The following P2RX5 variants were observed in gnomAD, a reference collection of about 807,000 sequenced individuals.
P2RX5 encodes purinergic receptor P2X 5.
Under a neutral mutation model 54.1 loss-of-function variants are expected in P2RX5, and 46 were observed. That is an observed-to-expected ratio of 0.85 (90% CI 0.67 to 1.09). P2RX5 has a LOEUF of 1.09. Ranked by LOEUF, P2RX5 falls within the 50% of genes least tolerant of loss-of-function variation. P2RX5 has a pLI of 0.00. For synonymous variants in P2RX5, 226 were observed against 226.4 expected (o/e 1.00, Z 0.02); for missense variants, 566 against 549.8 (o/e 1.03, Z -0.29).
intron 6 of P2RX5, 59 bp from the exon 7 acceptor site, chr17:3,689,689 G>T: frequency 6.2e-7 from 1 of 1,609,820 alleles, no homozygotes; most frequent in South Asian, 1.1e-5. Context: ...TCCCGGCCTG[G>T]CCAGGAGTCA....
upstream of P2RX5, chr17:3,696,336 G>C (rs979248972): frequency 3.0e-4 from 57 of 192,852 alleles, no homozygotes; most frequent in African/African-American, 1.3e-3. Flanking sequence ...CCACCGGTCT[G>C]GGAGCGCAGC....
chr17:3,721,176 ACC>A, the P2RX5 span, among the ~76,000 whole-genome samples: 2 of 136,020 alleles, frequency 1.5e-5, no homozygotes, highest in Non-Finnish European at 3.1e-5. Flanking sequence ...CAATCCACCC[ACC>A]TTAGCCTCCC....
the P2RX5 span, chr17:3,723,827 G>GGTGCGC: frequency 1.3e-6 from 2 of 1,557,352 alleles, no homozygotes; most frequent in Non-Finnish European, 1.7e-6. Flanking sequence ...GCCCTGGCGA[G>GGTGCGC]GTGCGCATGC....
chr17:3,695,518 C>A (rs1486258129), intron 1 of P2RX5, among the ~76,000 whole-genome samples: 2 of 152,182 alleles, frequency 1.3e-5, no homozygotes, highest in Non-Finnish European at 2.9e-5. Context: ...GCGACAGCTG[C>A]CACCCAGCCC....
Position 3,688,769 on chromosome 17 carries a change from A to G in P2RX5, c.754-10T>C, listed in dbSNP as rs1328993490. On this transcript the variant is annotated splice_polypyrimidine_tract_variant and intron_variant, in intron 7 of 11. Transcript: ENST00000225328. ...TTCCTATCACGCCACCCTTGATAAA[A>G]GAGAGATGAGGGTCAGCACACACAG... 6.2e-7 allele frequency: 1 copy of G among 1,613,964 alleles called. No individual in the cohort carries two copies. Among genetic ancestry groups the G allele is most frequent in the Admixed American group, 1.7e-5 (1 of 60,024 alleles).
At position 3,682,361 on chromosome 17, in the gene P2RX5, C is replaced by G. The variant is rs973226317; in HGVS notation, c.982-383G>C. 5 of 351,592 alleles carry G rather than the reference C, an allele frequency of 1.4e-5. 1 individual carries two copies. The highest frequency in any genetic ancestry group is 2.8e-5 in the Non-Finnish European group (5 of 180,098). The allele number at this position is 351,592 out of a possible 1,614,324, so 21.8% of individuals were successfully genotyped here. A position where few individuals can be genotyped will look rare whatever the true frequency, so the allele number is the denominator to read the frequency against. On this transcript the variant is annotated intron_variant, in intron 9 of 11. Transcript: ENST00000225328. ...CTCTCCCTCTGGTGCAGGAGACAGG[C>G]GTGTCGATGACGACCCACATAGGAC...
chr17:3,723,771 C>T, the P2RX5 span: 45 of 1,603,726 alleles, frequency 2.8e-5, no homozygotes, highest in Non-Finnish European at 3.7e-5. Flanking sequence ...GACCGCGACG[C>T]GCTGAACAAA....
chr17:3,690,466 A>T lies in P2RX5; in HGVS notation c.494T>A (p.Ile165Asn). 6.2e-7 allele frequency: 1 copy of T among 1,613,132 alleles called. No individual in the cohort carries two copies. Among genetic ancestry groups the T allele is most frequent in the Non-Finnish European group, 8.5e-7 (1 of 1,179,788 alleles). The change falls in exon 5 of 12, where the codon ATC becomes AAC. Residue 165 changes from isoleucine to asparagine, a missense_variant. Coordinates refer to ENST00000225328, the MANE Select transcript of P2RX5 (RefSeq NM_002561.4). ...TGTCTCCAACGGGCACCAGGCAAAG[A>T]TCTCACAGGTGCCCCTGGCCAAGTT... ...RENLARGTCE[I>N]FAWCPLETSS...
the P2RX5 span, among the ~76,000 whole-genome samples, chr17:3,715,286 G>A: frequency 7.2e-5 from 11 of 152,184 alleles, no homozygotes; most frequent in African/African-American, 2.7e-4. Context: ...GCTGAAGACA[G>A]AAGGAGATCA....
intron 8 of P2RX5, 147 bp from the exon 9 acceptor site, chr17:3,688,252 T>C (rs1481554115): frequency 1.2e-5 from 8 of 674,106 alleles, no homozygotes; most frequent in Non-Finnish European, 2.1e-5. Flanking sequence ...ACCTTCTCAC[T>C]GAGCCAAAAA....
intron 11 of P2RX5, chr17:3,678,034 C>T: frequency 1.0e-6 from 1 of 985,408 alleles, no homozygotes; most frequent in East Asian, 1.1e-4. Flanking sequence ...TTGTTCTGGC[C>T]CCAAAGTTTT....
At position 3,679,894 on chromosome 17, in the gene P2RX5, C is replaced by A. The variant is rs1005719689; in HGVS notation, c.1065-110G>T. ...CCTCGCCCTGCAGGCCGCCACCCTG[C>A]TTCCTCCAGCCGGTGTCCTCCACCC... On this transcript the variant is annotated intron_variant, in intron 10 of 11. Transcript: ENST00000225328. The A allele has an allele frequency of 6.5e-6, 6 of 917,202 alleles. No homozygotes were observed. The Admixed American group carries it at 7.9e-5, about 12-fold the overall frequency. The allele number at this position is 917,202 out of a possible 1,614,324, so 56.8% of individuals were successfully genotyped here.
chr17:3,690,923 A>AC (rs1398814717), intron 3 of P2RX5, 33 bp downstream of exon 3: 2 of 1,588,080 alleles, frequency 1.3e-6, no homozygotes, highest in East Asian at 4.5e-5. Context: ...TGGCTCTCCC[A>AC]CCCCCACGCC....
intron 9 of P2RX5, 166 bp from the exon 10 acceptor site, chr17:3,682,144 C>T (rs1019712466): frequency 1.5e-6 from 1 of 668,384 alleles, no homozygotes; most frequent in African/African-American, 1.8e-5. Flanking sequence ...TGTCCGACAC[C>T]ACAGAGCTGG....
rs777762896 is a variant in P2RX5, at chr17:3,681,934, C to T, written c.1026G>A (p.Lys342=). Residue 342 remains lysine, a synonymous_variant, in exon 10 of 12, where the codon AAG becomes AAA. Transcript: ENST00000225328. ...ACTTCTTGTCACGGTAAAACTCTCT[C>T]TTTTTGATGAGGTAGATGAGTACCA... ...CDLVLIYLIK[K]REFYRDKKYE... is the part of the protein sequence containing the mutation. 1 of 1,613,936 alleles carries T rather than the reference C, an allele frequency of 6.2e-7. No homozygotes were observed. Among genetic ancestry groups the T allele is most frequent in the Non-Finnish European group, 8.5e-7 (1 of 1,179,870 alleles).
chr17:3,701,770 T>G, the P2RX5 span, among the ~76,000 whole-genome samples: 2 of 149,450 alleles, frequency 1.3e-5, no homozygotes, highest in South Asian at 4.3e-4. Context: ...TGTTTTTTTT[T>G]TTTAAGACAG....
chr17:3,701,903 A>G, the P2RX5 span, among the ~76,000 whole-genome samples: 3 of 151,726 alleles, frequency 2.0e-5, no homozygotes, highest in African/African-American at 7.3e-5. Flanking sequence ...CTACAGGCAC[A>G]CACCACCATG....
At chr17:3,690,379 G>C (rs757442094) in intron 5 of P2RX5, 48 bp downstream of exon 5, 2 of 1,432,818 alleles carry the variant, frequency 1.4e-6, no homozygotes, top group Non-Finnish European at 9.7e-7. Context: ...GGGACCCACC[G>C]CACGGGGCTG....
At chr17:3,699,803 T>TAAGA (rs200965100), upstream of P2RX5, among the ~76,000 whole-genome samples, 6 of 87,248 alleles carry the variant, frequency 6.9e-5, no homozygotes, top group Admixed American at 5.7e-4. Flanking sequence ...ATACTCCATC[T>TAAGA]AAGAAAGAAA....
Sources: allele counts gnomAD v4.1 joint callset (sites outside exome capture counted in the v4.1 genomes callset), GRCh38; gene constraint gnomAD v4.1.1; transcripts MANE v1.5; gene names NCBI Gene and HGNC (gene_info 2026-07-23, HGNC 2026-07-21).